FER1L6: variants seen among roughly 807,000 people sequenced by gnomAD.
FER1L6 encodes fer-1 like family member 6.
FER1L6 carries 177 observed loss-of-function variants against 219.2 expected under a neutral mutation model. The observed-to-expected ratio is 0.81, with a 90% CI of 0.71 to 0.91. The LOEUF is 0.91. FER1L6 is among the 40% of genes least tolerant of loss of function. FER1L6 has a pLI of 0.00. For missense variants in FER1L6, 2,153 were observed against 2,259.9 expected, an observed-to-expected ratio of 0.95 and a Z score of 0.96; for synonymous variants, 768 against 824.3, an observed-to-expected ratio of 0.93 and a Z score of 1.17.
At position 123,970,048 on chromosome 8, in the gene FER1L6, A is replaced by T; in HGVS notation, c.398A>T (p.Asp133Val). Reference sequence around the variant, plus strand: ...TTTGTTTTGCAGTACTTTGTCTTCGACTTCATTGGGCCCCAAGTGCATCTT... The same window carrying T: ...TTTGTTTTGCAGTACTTTGTCTTCGTCTTCATTGGGCCCCAAGTGCATCTT... ...SPFYNEYFVF[D>V]FIGPQVHLFD... is the part of the protein sequence containing the mutation. Residue 133 changes from aspartate (D) to valine (V), a missense_variant, in exon 6 of 41, where the codon GAC (aspartate) becomes GTC (valine). Physicochemically the swap from Asp to Val is radical, Grantham distance 152. Transcript: ENST00000522917. The T allele has an allele frequency of 6.2e-7, 1 of 1,614,040 alleles. No individual in the cohort carries two copies. The highest frequency in any genetic ancestry group is 8.5e-7 in the Non-Finnish European group (1 of 1,179,934).
intron 25 of FER1L6, among the ~76,000 whole-genome samples, chr8:124,063,672 A>G (rs1201997735): frequency 2.0e-5 from 3 of 152,186 alleles, no homozygotes; most frequent in African/African-American, 7.2e-5. Context: ...GTAGATACCC[A>G]TAAGAGTTTG....
At chr8:123,935,836 T>C (rs912588202) in intron 1 of FER1L6, among the ~76,000 whole-genome samples, 8 of 152,168 alleles carry the variant, frequency 5.3e-5, no homozygotes, top group Non-Finnish European at 1.2e-4. Context: ...TTGCACTAAT[T>C]TTAATTTTTG....
chr8:124,053,432 G>A (rs1467604810), intron 22 of FER1L6, among the ~76,000 whole-genome samples: 1 of 152,188 alleles, frequency 6.6e-6, no homozygotes, highest in Non-Finnish European at 1.5e-5. Flanking sequence ...CTTCTCTTTT[G>A]ATCACTTGTT....
intron 1 of FER1L6, among the ~76,000 whole-genome samples, chr8:123,908,864 C>T (rs1196492532): frequency 1.3e-5 from 2 of 152,148 alleles, no homozygotes; most frequent in South Asian, 2.1e-4. Flanking sequence ...AAATATATGA[C>T]GAAACACATT....
intron 18 of FER1L6, among the ~76,000 whole-genome samples, chr8:124,028,163 C>T (rs1301070622): frequency 6.6e-6 from 1 of 152,190 alleles, no homozygotes; most frequent in Non-Finnish European, 1.5e-5. Flanking sequence ...GTTGAGAATG[C>T]AGAACTTTTG....
chr8:123,928,884 T>C (rs1319721012), intron 1 of FER1L6, among the ~76,000 whole-genome samples: 1 of 152,194 alleles, frequency 6.6e-6, no homozygotes, highest in African/African-American at 2.4e-5. Flanking sequence ...GATATGCTGT[T>C]GAGAATAGCC....
chr8:124,035,451 C>G lies in FER1L6; in HGVS notation c.2461C>G (p.Gln821Glu). The G allele has an allele frequency of 1.9e-6, 3 of 1,612,100 alleles. No individual in the cohort carries two copies. The highest frequency in any genetic ancestry group is 2.5e-6 in the Non-Finnish European group (3 of 1,179,414). The part of the protein sequence containing the change: ...TNHPPSNLLY[Q>E]EQHVFQLRAH... ...TCACCCCCCATCTAACCTGCTCTAC[C>G]AAGGTAGGGTCCCCACTGGGCAAAG... Residue 821 changes from glutamine (Q) to glutamate (E), a missense_variant, in exon 19 of 41, where the codon CAA becomes GAA. By Grantham distance (29) the Gln-to-Glu change is conservative. Transcript: ENST00000522917.
intron 9 of FER1L6, among the ~76,000 whole-genome samples, chr8:123,976,573 C>A (rs931092841): frequency 1.3e-5 from 2 of 151,996 alleles, no homozygotes; most frequent in Non-Finnish European, 2.9e-5. Flanking sequence ...TACTCACTCA[C>A]TCTTCATTGG....
At chr8:123,939,482 G>GAAGGA (rs1814142980) in intron 1 of FER1L6, among the ~76,000 whole-genome samples, 1 of 152,184 alleles carries the variant, frequency 6.6e-6, no homozygotes, top group African/African-American at 2.4e-5. Context: ...GCATAAAGGG[G>GAAGGA]AAGGAGCAGG....
At chr8:123,941,466 G>A (rs888099416) in intron 1 of FER1L6, among the ~76,000 whole-genome samples, 1 of 152,170 alleles carries the variant, frequency 6.6e-6, no homozygotes, top group Non-Finnish European at 1.5e-5. Flanking sequence ...AAGGAAGGTG[G>A]TGTGGCCAGA....
intron 1 of FER1L6, among the ~76,000 whole-genome samples, chr8:123,867,279 T>C (rs1816852528): frequency 6.6e-6 from 1 of 152,236 alleles, no homozygotes; most frequent in South Asian, 2.1e-4. Context: ...ATTTCTGGGT[T>C]ATCACTGGCA....
chr8:124,107,496 C>T (rs933832376), intron 39 of FER1L6, among the ~76,000 whole-genome samples: 3 of 152,152 alleles, frequency 2.0e-5, no homozygotes. Flanking sequence ...AGTCTGTTTT[C>T]CTAGACTGTG....
At chr8:124,092,947 C>T (rs1468820889) in intron 34 of FER1L6, among the ~76,000 whole-genome samples, 1 of 151,460 alleles carries the variant, frequency 6.6e-6, no homozygotes, top group East Asian at 1.9e-4. Flanking sequence ...CCTCCACCTC[C>T]CGGGTAGCTG....
chr8:124,098,691 G>T (rs1822413891), intron 37 of FER1L6, among the ~76,000 whole-genome samples: 1 of 152,154 alleles, frequency 6.6e-6, no homozygotes, highest in African/African-American at 2.4e-5. Flanking sequence ...CACCAGTTTA[G>T]GAAAGATTAA....
chr8:124,017,036 G>A (rs1418574325), intron 15 of FER1L6, among the ~76,000 whole-genome samples: 1 of 152,020 alleles, frequency 6.6e-6, no homozygotes, highest in Non-Finnish European at 1.5e-5. Flanking sequence ...ATTTTTATAG[G>A]TAAAATGTTA....
At chr8:124,003,450 CCTTT>C in intron 13 of FER1L6, 103 bp downstream of exon 13, 7 of 240,340 alleles carry the variant, frequency 2.9e-5, no homozygotes, top group South Asian at 1.2e-4. Flanking sequence ...TCAGAAATGT[CCTTT>C]TTTTTTTTTT....
At chr8:124,060,437 G>T in intron 23 of FER1L6, 111 bp from the exon 24 acceptor site, 1 of 1,476,350 alleles carries the variant, frequency 6.8e-7, no homozygotes, top group East Asian at 2.3e-5. Flanking sequence ...TTTCCTGGAG[G>T]AACACAGCGT....
intron 22 of FER1L6, among the ~76,000 whole-genome samples, chr8:124,054,706 C>A (rs762475931): frequency 6.6e-6 from 1 of 152,162 alleles, no homozygotes; most frequent in Non-Finnish European, 1.5e-5. Flanking sequence ...GACCCTGAAG[C>A]CTCACTATGC....
chr8:124,025,637 A>G (rs1390486695), intron 18 of FER1L6, among the ~76,000 whole-genome samples: 1 of 152,158 alleles, frequency 6.6e-6, no homozygotes, highest in Non-Finnish European at 1.5e-5. Flanking sequence ...CTTTTTCTTT[A>G]GGATTGCTTT....
Sources: allele counts gnomAD v4.1 joint callset (sites outside exome capture counted in the v4.1 genomes callset), GRCh38; gene constraint gnomAD v4.1.1; transcripts MANE v1.5; gene names NCBI Gene and HGNC (gene_info 2026-07-23, HGNC 2026-07-21).